PCDHA1: variants seen among roughly 807,000 people sequenced by gnomAD.
PCDHA1 encodes the protein protocadherin alpha 1, also known as protocadherin alpha-1.
A neutral mutation model predicts 61.3 loss-of-function variants in PCDHA1; 42 were observed. The observed-to-expected ratio is 0.69, with a 90% CI of 0.54 to 0.89. PCDHA1 has a LOEUF of 0.89. Among genes scored for constraint, PCDHA1 ranks in the 40% least tolerant of loss-of-function variants. The pLI is 0.00. For missense variants in PCDHA1, 1,256 were observed against 1,235.3 expected (o/e 1.02, Z -0.25); for synonymous variants, 610 against 553.8 (o/e 1.10, Z -1.43).
chr5:140,789,603 C>T (rs549296817), intron 1 of PCDHA1, among the ~76,000 whole-genome samples: 4 of 152,280 alleles, frequency 2.6e-5, no homozygotes, highest in African/African-American at 7.2e-5. Context: ...TTGAATTCCC[C>T]TGGGTCTAGA....
At chr5:140,803,578 A>T (rs782597617) in intron 1 of PCDHA1, 2 of 1,614,086 alleles carry the variant, frequency 1.2e-6, no homozygotes, top group African/African-American at 2.7e-5. Flanking sequence ...GTGGACGTTG[A>T]TCTCTCAGCC....
chr5:140,797,313 A>G (rs1581625889), intron 1 of PCDHA1: 3 of 1,614,226 alleles, frequency 1.9e-6, no homozygotes, highest in East Asian at 4.5e-5. Context: ...CAGACTCCGC[A>G]GAAGAGAAAC....
At chr5:140,796,671 G>T (rs1455418008) in intron 1 of PCDHA1, 22 of 1,613,904 alleles carry the variant, frequency 1.4e-5, no homozygotes, top group Non-Finnish European at 1.6e-5. Flanking sequence ...TGGCGCCTAG[G>T]GCTGGCACCG....
intron 1 of PCDHA1, among the ~76,000 whole-genome samples, chr5:140,847,260 T>G (rs1285482056): frequency 6.7e-6 from 1 of 149,726 alleles, no homozygotes; most frequent in Non-Finnish European, 1.5e-5. Context: ...TCACGACTTT[T>G]GAAAGAAGGT....
In PCDHA1 at chr5:141,011,598, G is replaced by A. The variant is rs530366689; in HGVS notation, c.*1661G>A. ...TTAAATCAAGATACTGGTGATTCAA[G>A]GAATTTTATTTATGGTCCAGCCAAG... On this transcript the variant is annotated 3_prime_UTR_variant, in exon 4 of 4. Transcript: ENST00000504120. 6.5e-6 allele frequency: 1 copy of A among 153,736 alleles called. No homozygotes were observed. Among genetic ancestry groups the A allele is most frequent in the Non-Finnish European group, 1.5e-5 (1 of 68,012 alleles). The allele number at this position is 153,736 out of a possible 1,614,324, so 9.5% of individuals were successfully genotyped here.
At chr5:140,803,125 C>T (rs781899440) in intron 1 of PCDHA1, 2 of 1,613,680 alleles carry the variant, frequency 1.2e-6, no homozygotes, top group African/African-American at 1.3e-5. Context: ...GTGGACGCCC[C>T]GCGCCATCGC....
intron 1 of PCDHA1, chr5:140,801,292 A>G (rs1554121367): frequency 1.9e-6 from 3 of 1,613,480 alleles, no homozygotes; most frequent in East Asian, 2.2e-5. Context: ...GGCCAGCTCC[A>G]CTACTCCGTC....
Position 140,789,902 on chromosome 5 carries a change from A to C in PCDHA1, c.2394+1218A>C, listed in dbSNP as rs569234333. ...TAATACAGTTCTTTACCTTTCCTAAAATGTTTAAGGTGGCTTACAGTGGAA... is the reference window on the plus strand; with the variant it reads ...TAATACAGTTCTTTACCTTTCCTAACATGTTTAAGGTGGCTTACAGTGGAA... On this transcript the variant is annotated intron_variant, in intron 1 of 3. Coordinates refer to ENST00000504120, the MANE Select transcript of PCDHA1 (RefSeq NM_018900.4). Among the ~76,000 whole-genome samples, 9 of 152,282 alleles carry C rather than the reference A, an allele frequency of 5.9e-5. No individual in the cohort carries two copies. The South Asian group carries it at 1.9e-3, about 32-fold the overall frequency.
chr5:140,836,207 G>C (rs1227998553), intron 1 of PCDHA1: 74 of 1,613,726 alleles, frequency 4.6e-5, no homozygotes, highest in Non-Finnish European at 5.7e-5. Flanking sequence ...CGTGGCTTTC[G>C]TATGAGTTGC....
intron 1 of PCDHA1, among the ~76,000 whole-genome samples, chr5:140,961,888 T>G (rs1361187779): frequency 4.0e-5 from 5 of 124,944 alleles, no homozygotes; most frequent in Non-Finnish European, 7.9e-5. Context: ...CTTACATCAG[T>G]TTTTTTTTTT....
At position 140,850,219 on chromosome 5, in the gene PCDHA1, G is replaced by A. The variant is rs201367294; in HGVS notation, c.2394+61535G>A. On this transcript the variant is annotated intron_variant, in intron 1 of 3. Coordinates refer to ENST00000504120, the MANE Select transcript of PCDHA1 (RefSeq NM_018900.4). ...ACACCTCGGATGAGGGGCACTGACG[G>A]CGCAGTGAGCGAGATGGTGCTGCGG... 1.1e-5 allele frequency: 17 copies of A among 1,593,552 alleles called. 1 individual carries two copies. The highest frequency in any genetic ancestry group is 1.3e-5 in the African/African-American group (1 of 74,312).
intron 1 of PCDHA1, chr5:140,857,618 C>T: frequency 6.3e-7 from 1 of 1,596,552 alleles, no homozygotes; most frequent in Non-Finnish European, 8.6e-7. Flanking sequence ...GCCGCTGGAC[C>T]ACGAGGAGCT....
At chr5:140,976,310 G>A (rs1216220776) in intron 1 of PCDHA1, among the ~76,000 whole-genome samples, 1 of 152,036 alleles carries the variant, frequency 6.6e-6, no homozygotes, top group African/African-American at 2.4e-5. Context: ...CAGCACTTTG[G>A]GAGGCCGAGG....
chr5:140,876,723 C>T (rs782820769), intron 1 of PCDHA1: 2 of 1,614,130 alleles, frequency 1.2e-6, no homozygotes, highest in African/African-American at 1.3e-5. Flanking sequence ...ACCGCGAGAG[C>T]GTGTCGGCCT....
In PCDHA1 at chr5:140,788,253, G is replaced by A. The variant is rs1554118194; in HGVS notation, c.1963G>A (p.Gly655Ser). The change falls in exon 1 of 4, where the codon GGT becomes AGT. Residue 655 changes from glycine to serine, a missense_variant. Transcript: ENST00000504120. ...CCTTCTGGTGCTAGTGAAGGATCACGGTGAGCCGGCGCTGACAGCCACGGC... is the reference window on the plus strand; with the variant it reads ...CCTTCTGGTGCTAGTGAAGGATCACAGTGAGCCGGCGCTGACAGCCACGGC... ...YRLLVLVKDH[G>S]EPALTATATV... 6.2e-7 allele frequency: 1 copy of A among 1,613,996 alleles called. No individual in the cohort carries two copies. Among genetic ancestry groups the A allele is most frequent in the Non-Finnish European group, 8.5e-7 (1 of 1,179,938 alleles).
chr5:140,872,246 G>A (rs2053563930), intron 1 of PCDHA1, among the ~76,000 whole-genome samples: 1 of 151,488 alleles, frequency 6.6e-6, no homozygotes, highest in Non-Finnish European at 1.5e-5. Flanking sequence ...TTATTCCTGT[G>A]ATAATACTTG....
intron 1 of PCDHA1, among the ~76,000 whole-genome samples, chr5:140,838,565 A>G (rs1275372671): frequency 2.0e-5 from 3 of 151,890 alleles, no homozygotes; most frequent in South Asian, 4.2e-4. Context: ...CCAGTACTGT[A>G]TTAGGGACAT....
chr5:140,905,019 A>C (rs1000367022), intron 1 of PCDHA1, among the ~76,000 whole-genome samples: 23 of 152,044 alleles, frequency 1.5e-4, no homozygotes, highest in African/African-American at 5.6e-4. Context: ...ATTCTTTTCT[A>C]TGCAGAAGCT....
At chr5:140,822,155 A>T in intron 1 of PCDHA1, 1 of 1,614,248 alleles carries the variant, frequency 6.2e-7, no homozygotes, top group Non-Finnish European at 8.5e-7. Flanking sequence ...GACATCAATG[A>T]CAATCCGCCC....
Sources: gnomAD v4.1 joint callset for allele counts (sites outside exome capture counted in the v4.1 genomes callset) on GRCh38, gnomAD v4.1.1 for gene constraint, MANE v1.5 for transcripts, NCBI Gene and HGNC (gene_info 2026-07-23, HGNC 2026-07-21) for gene names.